USP34: variants seen among roughly 807,000 people sequenced by gnomAD.
The protein encoded by USP34 is ubiquitin carboxyl-terminal hydrolase 34.
Under a neutral mutation model 460.3 loss-of-function variants are expected in USP34, and 70 were observed. That is an observed-to-expected ratio of 0.15 (90% CI 0.13 to 0.19). The LOEUF is 0.19. Among genes scored for constraint, USP34 ranks in the 10% least tolerant of loss-of-function variants. The pLI, the probability that USP34 is intolerant of heterozygous loss-of-function variation, is 1.00. For synonymous variants in USP34, 1,647 were observed against 1,405.3 expected (o/e 1.17, Z -3.85); for missense variants, 3,985 against 4,236.2 (o/e 0.94, Z 1.65).
Position 61,214,457 on chromosome 2 carries a change from C to T in USP34, c.8285G>A (p.Cys2762Tyr), listed in dbSNP as rs1266758370. 1 of 1,614,140 alleles carries T rather than the reference C, an allele frequency of 6.2e-7. No homozygotes were observed. Among genetic ancestry groups the T allele is most frequent in the Non-Finnish European group, 8.5e-7 (1 of 1,180,018 alleles). The change falls in exon 68 of 80, where the codon TGT (cysteine) becomes TAT (tyrosine). Residue 2762 changes from cysteine (C) to tyrosine (Y), a missense_variant. This residue lies in a region of USP34 where 604 missense variants were observed against 684.8 expected (regional missense o/e 0.88). Transcript: ENST00000398571. ...CAGCTTCTCAGTTTTGGAAATTAAA[C>T]AGTAAGTCATAAAGCTAAAATAGGG... The part of the protein sequence containing the change: ...LVPYFSFMTY[C>Y]LISKTEKLMF...
At chr2:61,290,766 A>G (rs1689826979) in intron 33 of USP34, among the ~76,000 whole-genome samples, 1 of 152,178 alleles carries the variant, frequency 6.6e-6, no homozygotes, top group Admixed American at 6.5e-5. Flanking sequence ...TATTTATTAC[A>G]TGAAAAGTAT....
At chr2:61,403,992 C>CAAAAAAAAAAAAAAAAAA (rs71405114) in intron 3 of USP34, among the ~76,000 whole-genome samples, 1 of 29,110 alleles carries the variant, frequency 3.4e-5, no homozygotes, top group Non-Finnish European at 7.4e-5. Context: ...GACTCTATCT[C>CAAAAAAAAAAAAAAAAAA]AAAAAAAAAA....
chr2:61,356,227 C>CA (rs1196064920), intron 10 of USP34, among the ~76,000 whole-genome samples: 1 of 151,564 alleles, frequency 6.6e-6, no homozygotes, highest in Admixed American at 6.6e-5. Context: ...GTGGCTCATG[C>CA]CTGTAATCCC....
chr2:61,309,425 A>T (rs1324325519), intron 27 of USP34, among the ~76,000 whole-genome samples: 1 of 152,356 alleles, frequency 6.6e-6, no homozygotes, highest in East Asian at 1.9e-4. Flanking sequence ...ATATCACACA[A>T]TCACTGCTGT....
rs57925421 is a variant in USP34, at chr2:61,452,905, CAAAAAAAAAAAAA to C, written c.43+17732_43+17744del. Among the ~76,000 whole-genome samples the C allele has an allele frequency of 1.1e-4, 14 of 127,154 alleles. No homozygotes were observed. The East Asian group carries it at 2.2e-3, about 20-fold the overall frequency. The allele number at this position is 127,154 out of a possible 152,430, so 83.4% of individuals were successfully genotyped here. ...ACACTATGATGACCCACCCCACAAC[CAAAAAAAAAAAAA>C]AAAAAAAAACACCCACAACTTTGCA... On this transcript the variant is annotated intron_variant, in intron 1 of 79. Coordinates refer to ENST00000398571, the MANE Select transcript of USP34 (RefSeq NM_014709.4).
intron 8 of USP34, among the ~76,000 whole-genome samples, chr2:61,378,033 C>G (rs1692848344): frequency 6.6e-6 from 1 of 152,178 alleles, no homozygotes; most frequent in South Asian, 2.1e-4. Flanking sequence ...ATTAGCCAGG[C>G]ATGCTGGCAT....
chr2:61,352,680 TAAA>T (rs35329949), intron 10 of USP34, among the ~76,000 whole-genome samples: 9 of 141,692 alleles, frequency 6.4e-5, no homozygotes, highest in East Asian at 2.0e-4. Flanking sequence ...TAACTGAGAT[TAAA>T]AAAAAAAAAA....
intron 14 of USP34, 99 bp downstream of exon 14, chr2:61,348,657 C>T: frequency 6.8e-7 from 1 of 1,473,018 alleles, no homozygotes; most frequent in South Asian, 1.4e-5. Context: ...AAGGAGAGGA[C>T]AAGCCCAAAC....
intron 51 of USP34, among the ~76,000 whole-genome samples, chr2:61,242,851 C>T (rs1443490055): frequency 6.6e-6 from 1 of 152,050 alleles, no homozygotes; most frequent in African/African-American, 2.4e-5. Flanking sequence ...AGATTCAAAA[C>T]ATTTTTTTTT....
intron 1 of USP34, among the ~76,000 whole-genome samples, chr2:61,465,687 C>G (rs1319142374): frequency 6.6e-6 from 1 of 152,016 alleles, no homozygotes; most frequent in African/African-American, 2.4e-5. Context: ...TATTAATAAA[C>G]AAAAACACGG....
rs375222166 is a variant in USP34, at chr2:61,311,558, G to A, written c.3799C>T (p.Arg1267Ter). 1 of 1,598,282 alleles carries A rather than the reference G, an allele frequency of 6.3e-7. No individual in the cohort carries two copies. The highest frequency in any genetic ancestry group is 8.5e-7 in the Non-Finnish European group (1 of 1,174,138). The change falls in exon 27 of 80, where the codon CGA becomes TGA. Residue 1267 changes from arginine to a stop codon, truncating the protein, a stop_gained. Transcript: ENST00000398571. LOFTEE classifies it high-confidence loss of function. Reference protein sequence around the residue: ...AQLQEFGQSNRKGEFPGGLMG... With the variant: ...AQLQEFGQSN ...GGCTTACCAGGAAACTCTCCTTTTC[G>A]GTTGCTTTGACCAAACTCCTGAAGC...
At chr2:61,441,650 A>C (rs1351611603) in intron 1 of USP34, among the ~76,000 whole-genome samples, 2 of 152,000 alleles carry the variant, frequency 1.3e-5, no homozygotes, top group African/African-American at 2.4e-5. Context: ...TGCCAAAAAA[A>C]AAAATTAACC....
At chr2:61,339,808 A>C in intron 16 of USP34, 127 bp from the exon 17 acceptor site, 1 of 464,580 alleles carries the variant, frequency 2.2e-6, no homozygotes, top group Non-Finnish European at 3.6e-6. Context: ...ATAAAAACAC[A>C]TTAGCACAAT....
intron 2 of USP34, chr2:61,417,377 A>G (rs1694226893): frequency 1.8e-6 from 1 of 548,210 alleles, no homozygotes; most frequent in Non-Finnish European, 3.4e-6. Context: ...AATTGGCTGC[A>G]GGACCTCCGT....
In USP34 at chr2:61,211,915, C is replaced by T; in HGVS notation, c.8697G>A (p.Leu2899=). The T allele has an allele frequency of 6.2e-7, 1 of 1,606,046 alleles. No individual in the cohort carries two copies. Among genetic ancestry groups the T allele is most frequent in the Non-Finnish European group, 8.5e-7 (1 of 1,177,878 alleles). The change falls in exon 69 of 80, where the codon CTG becomes CTA. Residue 2899 remains leucine (L), a synonymous_variant. Transcript: ENST00000398571. ...CTATAAACAGCTGCATCAGGTTAAACAGTTCTTCTACTGCCTAAAAAAGCC... is the reference window on the plus strand; with the variant it reads ...CTATAAACAGCTGCATCAGGTTAAATAGTTCTTCTACTGCCTAAAAAAGCC... The part of the protein sequence containing the change: ...ASQYPGAVEE[L]FNLMQLFIAQ...
intron 48 of USP34, among the ~76,000 whole-genome samples, chr2:61,252,560 A>C (rs948501261): frequency 1.3e-5 from 2 of 152,250 alleles, no homozygotes; most frequent in Admixed American, 6.5e-5. Flanking sequence ...ATAAATATCA[A>C]ACGAGAATTT....
chr2:61,243,397 T>G (rs1476833762), intron 51 of USP34, among the ~76,000 whole-genome samples: 2 of 152,022 alleles, frequency 1.3e-5, no homozygotes, highest in Admixed American at 1.3e-4. Context: ...TCCACCTGCT[T>G]CGGCCTCCCA....
chr2:61,458,938 C>T (rs893904395), intron 1 of USP34, among the ~76,000 whole-genome samples: 3 of 151,734 alleles, frequency 2.0e-5, no homozygotes, highest in Non-Finnish European at 2.9e-5. Context: ...CAGTGGTGGG[C>T]GCCTACAATC....
chr2:61,248,371 G>T, intron 49 of USP34, 140 bp downstream of exon 49: 1 of 751,492 alleles, frequency 1.3e-6, no homozygotes, highest in Non-Finnish European at 2.1e-6. Flanking sequence ...CTGACTGAAT[G>T]CATGACATTG....
Sources: gnomAD v4.1 joint callset for allele counts (sites outside exome capture counted in the v4.1 genomes callset) on GRCh38, gnomAD v4.1.1 for gene constraint, gnomAD v4.1.1 regional missense constraint, MANE v1.5 for transcripts, NCBI Gene and HGNC (gene_info 2026-07-23, HGNC 2026-07-21) for gene names.